Variants in MAST4 observed in about 807,000 individuals in gnomAD.
MAST4 encodes microtubule associated serine/threonine kinase family member 4, also known as microtubule-associated serine/threonine-protein kinase 4.
A neutral mutation model predicts 162.7 loss-of-function variants in MAST4; 89 were observed. The observed-to-expected ratio is 0.55, with a 90% CI of 0.46 to 0.65. The LOEUF (loss-of-function observed/expected upper bound fraction) is 0.65, where lower values mean the gene tolerates loss of function less well. MAST4 is among the 30% of genes least tolerant of loss of function. MAST4 has a pLI of 0.00. For missense variants in MAST4, 3,153 were observed against 3,374.0 expected (o/e 0.93, Z 1.62); for synonymous variants, 1,479 against 1,361.1 (o/e 1.09, Z -1.91).
At chr5:67,069,834 G>A (rs1002559441) in intron 5 of MAST4, among the ~76,000 whole-genome samples, 5 of 151,384 alleles carry the variant, frequency 3.3e-5, no homozygotes, top group South Asian at 4.2e-4. Flanking sequence ...CAGAGTGACC[G>A]GCCAGTGTCT....
chr5:66,989,588 C>T (rs1749861022), intron 4 of MAST4, among the ~76,000 whole-genome samples: 1 of 152,268 alleles, frequency 6.6e-6, no homozygotes, highest in South Asian at 2.1e-4. Context: ...TATGGTGAAG[C>T]ATAATTTTTT....
intron 3 of MAST4, among the ~76,000 whole-genome samples, chr5:66,893,112 T>G (rs1762461386): frequency 6.6e-6 from 1 of 152,226 alleles, no homozygotes; most frequent in Non-Finnish European, 1.5e-5. Context: ...GTGAGTGTTG[T>G]GGTTTTGATC....
At chr5:67,109,494 G>GA (rs1002100057) in intron 10 of MAST4, among the ~76,000 whole-genome samples, 17 of 151,396 alleles carry the variant, frequency 1.1e-4, no homozygotes, top group African/African-American at 4.1e-4. Flanking sequence ...TCTAAAATTT[G>GA]AAAAAAAATC....
rs1581737827 is a variant in MAST4, at chr5:67,152,757, A to G, written c.3416A>G (p.His1139Arg). The change falls in exon 25 of 29, where the codon CAT (histidine) becomes CGT (arginine). Residue 1139 changes from histidine (H) to arginine (R), a missense_variant. Physicochemically the swap from His to Arg is conservative, Grantham distance 29. This residue lies in a region of MAST4 where 619 missense variants were observed against 744.2 expected (regional missense o/e 0.83). Coordinates refer to ENST00000403625, the MANE Select transcript of MAST4 (RefSeq NM_001164664.2). ...RDSSAASASP[H>R]QPIVIHSSGK... ...TCCTCAGCAGCTTCTGCCAGTCCAC[A>G]TCAGCCGATTGTGATCCACAGTTCG... 5 of 1,614,038 alleles carry G rather than the reference A, an allele frequency of 3.1e-6. No individual in the cohort carries two copies. The highest frequency in any genetic ancestry group is 4.2e-6 in the Non-Finnish European group (5 of 1,179,892).
At chr5:66,925,975 G>A (rs1764864052) in intron 4 of MAST4, among the ~76,000 whole-genome samples, 1 of 151,678 alleles carries the variant, frequency 6.6e-6, no homozygotes, top group African/African-American at 2.4e-5. Context: ...TCTTTTATGA[G>A]AACAGATGAG....
At chr5:66,798,281 T>G (rs1180018210) in intron 3 of MAST4, among the ~76,000 whole-genome samples, 1 of 152,204 alleles carries the variant, frequency 6.6e-6, no homozygotes, top group Non-Finnish European at 1.5e-5. Context: ...TACTAAATCT[T>G]TTATTGTTCA....
At chr5:66,678,953 T>C (rs1748144024) in intron 1 of MAST4, among the ~76,000 whole-genome samples, 1 of 152,070 alleles carries the variant, frequency 6.6e-6, no homozygotes. Context: ...CACCATACCC[T>C]GGTAATTTTT....
intron 1 of MAST4, among the ~76,000 whole-genome samples, chr5:66,707,267 C>T (rs193094616): frequency 6.6e-6 from 1 of 152,244 alleles, no homozygotes; most frequent in East Asian, 1.9e-4. Context: ...GCTCACCACT[C>T]ATTTGTTTCA....
rs370528296 is a variant in MAST4 at position 67,166,414 on chromosome 5, A to G, written c.7235A>G (p.Lys2412Arg). ...GAGCGGCCAGCCGCGGGGGTGGGGA[A>G]GGGCTTCCCTGAGGCCAGAGGGAAA... Reference protein sequence around the residue: ...GAERPAAGVGKGFPEARGKGP... With the variant: ...GAERPAAGVGRGFPEARGKGP... Residue 2412 changes from lysine to arginine, a missense_variant, in exon 29 of 29, where the codon AAG becomes AGG. Lys to Arg is a conservative substitution (Grantham distance 26). Coordinates refer to ENST00000403625, the MANE Select transcript of MAST4 (RefSeq NM_001164664.2). The G allele has an allele frequency of 6.2e-7, 1 of 1,609,000 alleles. No homozygotes were observed. The highest frequency in any genetic ancestry group is 8.5e-7 in the Non-Finnish European group (1 of 1,177,700).
At chr5:66,967,682 C>CT (rs1301336117) in intron 4 of MAST4, among the ~76,000 whole-genome samples, 7 of 141,496 alleles carry the variant, frequency 4.9e-5, no homozygotes, top group African/African-American at 2.0e-4. Flanking sequence ...TCTCACACTC[C>CT]TTAAAAAAAA....
chr5:66,610,681 T>C (rs993812100), intron 1 of MAST4, among the ~76,000 whole-genome samples: 2 of 152,136 alleles, frequency 1.3e-5, no homozygotes, highest in African/African-American at 4.8e-5. Context: ...GGTGGATGAC[T>C]ATGCACAGGT....
intron 3 of MAST4, among the ~76,000 whole-genome samples, chr5:66,883,420 C>CTTTTTTTT (rs1484230630): frequency 8.0e-6 from 1 of 125,510 alleles, no homozygotes. Flanking sequence ...TGTTCTGTCA[C>CTTTTTTTT]TGTTTTTTTT....
intron 4 of MAST4, among the ~76,000 whole-genome samples, chr5:66,982,432 A>G (rs1748975149): frequency 6.6e-6 from 1 of 152,218 alleles, no homozygotes; most frequent in Non-Finnish European, 1.5e-5. Flanking sequence ...CTAACTAGGA[A>G]AATTATGTCA....
At chr5:66,835,688 AATAAG>A (rs1261148823) in intron 3 of MAST4, among the ~76,000 whole-genome samples, 2 of 152,202 alleles carry the variant, frequency 1.3e-5, no homozygotes, top group African/African-American at 2.4e-5. Flanking sequence ...AGCGTAACTA[AATAAG>A]ATGTTTGAAT....
At chr5:67,024,592 A>C (rs1319323143) in intron 4 of MAST4, among the ~76,000 whole-genome samples, 2 of 152,158 alleles carry the variant, frequency 1.3e-5, no homozygotes, top group East Asian at 3.9e-4. Context: ...GTCATTGAGG[A>C]TAATCCTCTT....
chr5:66,815,433 C>T (rs1348119311), intron 3 of MAST4, among the ~76,000 whole-genome samples: 1 of 152,070 alleles, frequency 6.6e-6, no homozygotes, highest in Admixed American at 6.5e-5. Context: ...TTGTTAATCT[C>T]TTACTGTACC....
chr5:66,965,222 T>G (rs992274582), intron 4 of MAST4, among the ~76,000 whole-genome samples: 1 of 149,960 alleles, frequency 6.7e-6, no homozygotes, highest in African/African-American at 2.5e-5. Context: ...TTTTTTTTTT[T>G]TGCTTTTTTT....
intron 3 of MAST4, among the ~76,000 whole-genome samples, chr5:66,878,076 G>C (rs1761426254): frequency 6.6e-6 from 1 of 152,174 alleles, no homozygotes; most frequent in African/African-American, 2.4e-5. Context: ...GCAGCCTCCT[G>C]TTATCAAAGG....
chr5:66,888,666 A>T (rs1489686170), intron 3 of MAST4, among the ~76,000 whole-genome samples: 6 of 152,246 alleles, frequency 3.9e-5, no homozygotes, highest in Non-Finnish European at 8.8e-5. Flanking sequence ...GGCAGTTGAA[A>T]TGTACATTTA....
Sources: gnomAD v4.1 joint callset for allele counts (sites outside exome capture counted in the v4.1 genomes callset) on GRCh38, gnomAD v4.1.1 for gene constraint, gnomAD v4.1.1 regional missense constraint, MANE v1.5 for transcripts, NCBI Gene and HGNC (gene_info 2026-07-23, HGNC 2026-07-21) for gene names.